PHC1: variants seen among roughly 807,000 people sequenced by gnomAD.
PHC1 encodes the protein polyhomeotic-like protein 1.
Under a neutral mutation model 104.3 loss-of-function variants are expected in PHC1, and 12 were observed. The observed-to-expected ratio is 0.12, with a 90% CI of 0.07 to 0.19. The LOEUF is 0.19. PHC1 is among the 10% of genes least tolerant of loss of function. PHC1 has a pLI of 1.00. For synonymous variants in PHC1, 302 were observed against 455.8 expected, an observed-to-expected ratio of 0.66 and a Z score of 4.30; for missense variants, 671 against 1,200.0, an observed-to-expected ratio of 0.56 and a Z score of 6.51.
Position 8,919,950 on chromosome 12 carries a change from TC to T in PHC1, c.225+86del. The T allele has an allele frequency of 6.5e-7, 1 of 1,547,706 alleles. No homozygotes were observed. The highest frequency in any genetic ancestry group is 8.7e-7 in the Non-Finnish European group (1 of 1,143,430). On this transcript the variant is annotated intron_variant, in intron 3 of 14. Coordinates refer to ENST00000544916, the MANE Select transcript of PHC1 (RefSeq NM_004426.3). The surrounding 1 kb of genome is among the most constrained non-coding windows in gnomAD (Gnocchi z 4.9). The stretch of plus-strand genomic sequence containing the variant: ...GGGGAGATTTTTTGGGCATATAGCA[TC>T]CTATACTAAGCCAGGCTGCAGACAG...
chr12:8,917,942 T>C lies in PHC1; in HGVS notation c.114+151T>C, dbSNP rs774372251. 38 of 580,366 alleles carry C rather than the reference T, an allele frequency of 6.5e-5. No homozygotes were observed. The East Asian group carries it at 9.4e-4, about 14-fold the overall frequency. 36.0% of individuals were successfully genotyped at this position (580,366 alleles called of 1,614,324 possible). Reference sequence around the variant, plus strand: ...AGCTGTCTTCCAGCTCTGAGAATCTTAGGAGTTTACAAATGTTTAGGCAAG... The same window carrying C: ...AGCTGTCTTCCAGCTCTGAGAATCTCAGGAGTTTACAAATGTTTAGGCAAG... On this transcript the variant is annotated intron_variant, in intron 2 of 14. Transcript: ENST00000544916.
intron 6 of PHC1, among the ~76,000 whole-genome samples, chr12:8,926,847 G>C (rs766456564): frequency 6.6e-6 from 1 of 152,194 alleles, no homozygotes; most frequent in Non-Finnish European, 1.5e-5. Context: ...CCTGGGAGGC[G>C]GAGGTTGCAG....
At chr12:8,936,314 G>A (rs1156857888) in intron 11 of PHC1, among the ~76,000 whole-genome samples, 3 of 152,160 alleles carry the variant, frequency 2.0e-5, no homozygotes, top group Non-Finnish European at 4.4e-5. Flanking sequence ...CCCGGGAGGT[G>A]GAGGTTGCAG....
At chr12:8,934,105 G>A in intron 9 of PHC1, 93 bp downstream of exon 9, 1 of 1,460,526 alleles carries the variant, frequency 6.8e-7, no homozygotes, top group South Asian at 1.2e-5. Flanking sequence ...AGTAGAAAAT[G>A]GGCCAGAAGT....
At chr12:8,932,418 A>G (rs1423523276) in intron 7 of PHC1, 145 bp from the exon 8 acceptor site, 11 of 772,696 alleles carry the variant, frequency 1.4e-5, no homozygotes, top group South Asian at 5.6e-5. Context: ...AGTGATGTCC[A>G]AGTTTCATAC....
intron 14 of PHC1, 59 bp downstream of exon 14, chr12:8,938,119 G>C (rs1270037562): frequency 3.5e-6 from 4 of 1,151,088 alleles, no homozygotes; most frequent in Non-Finnish European, 5.1e-6. Flanking sequence ...TCCCACAGGG[G>C]CCTTGATAAG....
rs1234182379 is a variant in PHC1 at position 8,919,204 on chromosome 12, C to T, written c.115-552C>T. On this transcript the variant is annotated intron_variant, in intron 2 of 14. Transcript: ENST00000544916. This position sits in a 1 kb window ranked among gnomAD's most constrained non-coding sequence, Gnocchi z 4.9. ...CCTCCCTAGTAGTTGGGATTACAGG[C>T]GCCCACCACCACGCCCAGCTAATTT... Among the ~76,000 whole-genome samples the T allele has an allele frequency of 3.3e-5, 5 of 152,164 alleles. No individual in the cohort carries two copies. Among genetic ancestry groups the T allele is most frequent in the African/African-American group, 1.2e-4 (5 of 41,430 alleles).
chr12:8,926,935 G>A (rs915121273), intron 6 of PHC1, among the ~76,000 whole-genome samples: 10 of 152,090 alleles, frequency 6.6e-5, no homozygotes, highest in African/African-American at 2.2e-4. Context: ...AATGTTTGGG[G>A]AGATAGTACA....
rs1396362438 is a variant in PHC1, at chr12:8,941,169, T to C, written c.*1710T>C. The C allele has an allele frequency of 6.6e-6, 1 of 151,146 alleles. No individual in the cohort carries two copies. The highest frequency in any genetic ancestry group is 1.4e-5 in the Non-Finnish European group (1 of 69,100). 9.4% of individuals were successfully genotyped at this position (151,146 alleles called of 1,614,324 possible). A position where few individuals can be genotyped will look rare whatever the true frequency, so the allele number is the denominator to read the frequency against. On this transcript the variant is annotated 3_prime_UTR_variant, in exon 15 of 15. Coordinates refer to ENST00000544916, the MANE Select transcript of PHC1 (RefSeq NM_004426.3). ...AATCCCAGCTATACAGTCACCCCAA[T>C]TTCCACAAATGATGTGATGGTACCG... is the stretch of plus-strand genomic sequence containing the variant.
chr12:8,932,428 C>T (rs1190571078), intron 7 of PHC1, 135 bp from the exon 8 acceptor site: 2 of 845,096 alleles, frequency 2.4e-6, no homozygotes, highest in Non-Finnish European at 3.7e-6. Flanking sequence ...AAGTTTCATA[C>T]TGACTAGATT....
chr12:8,924,684 T>C (rs1313476311), intron 6 of PHC1, among the ~76,000 whole-genome samples: 1 of 152,094 alleles, frequency 6.6e-6, no homozygotes, highest in Non-Finnish European at 1.5e-5. Flanking sequence ...CGAGTATGTG[T>C]GGTAGGCGTT....
rs1945308774 is a variant in PHC1 at position 8,919,845 on chromosome 12, T to C, written c.204T>C (p.His68=). 6.2e-7 allele frequency: 1 copy of C among 1,603,046 alleles called. No homozygotes were observed. Among genetic ancestry groups the C allele is most frequent in the Non-Finnish European group, 8.5e-7 (1 of 1,173,938 alleles). The change falls in exon 3 of 15, where the codon CAT becomes CAC. Residue 68 remains histidine, a synonymous_variant. Coordinates refer to ENST00000544916, the MANE Select transcript of PHC1 (RefSeq NM_004426.3). This position sits in a 1 kb window ranked among gnomAD's most constrained non-coding sequence, Gnocchi z 4.9. ...LQQQLSNAQL[H]SLAAVQQATI... ...AGCAGCTCAGTAATGCCCAGCTGCATAGCCTGGCTGCCGTCCAGCAGGTGA... is the reference window on the plus strand; with the variant it reads ...AGCAGCTCAGTAATGCCCAGCTGCACAGCCTGGCTGCCGTCCAGCAGGTGA...
At chr12:8,922,918 C>A in intron 6 of PHC1, 130 bp downstream of exon 6, 2 of 739,202 alleles carry the variant, frequency 2.7e-6, no homozygotes, top group Non-Finnish European at 4.3e-6. Flanking sequence ...GTTTTTCCTT[C>A]CCTTAATCAC....
intron 6 of PHC1, among the ~76,000 whole-genome samples, chr12:8,926,740 C>T (rs1286131650): frequency 6.6e-6 from 1 of 151,956 alleles, no homozygotes; most frequent in Non-Finnish European, 1.5e-5. Flanking sequence ...ATGGTGAAAC[C>T]CCGTCTCTAC....
At chr12:8,914,065 G>C (rs1253240120), upstream of PHC1, 1 of 152,438 alleles carries the variant, frequency 6.6e-6, no homozygotes, top group South Asian at 2.1e-4. Context: ...GTTTCTCTAG[G>C]GGTCGTTGCT....
Position 8,935,143 on chromosome 12 carries a change from T to C in PHC1, c.2273T>C (p.Leu758Pro), listed in dbSNP as rs1307964721. Residue 758 changes from leucine (L) to proline (P), a missense_variant, in exon 11 of 15, where the codon CTG (leucine) becomes CCG (proline). This residue lies in a region of PHC1 where 192 missense variants were observed against 280.5 expected (regional missense o/e 0.68). Transcript: ENST00000544916. ...GGACAGGTGGGTTGTTCTCAGTTACTGAAGGAGTCTGAGAAGCCACTACAG... is the reference window on the plus strand; with the variant it reads ...GGACAGGTGGGTTGTTCTCAGTTACCGAAGGAGTCTGAGAAGCCACTACAG... ...EPFPVGCSQL[L>P]KESEKPLQTG... is the part of the protein sequence containing the mutation. 1 of 1,575,352 alleles carries C rather than the reference T, an allele frequency of 6.3e-7. No homozygotes were observed. Among genetic ancestry groups the C allele is most frequent in the Non-Finnish European group, 8.7e-7 (1 of 1,153,408 alleles).
chr12:8,939,222 A>T, intron 14 of PHC1, 83 bp from the exon 15 acceptor site: 1 of 1,510,084 alleles, frequency 6.6e-7, no homozygotes, highest in Non-Finnish European at 9.1e-7. Context: ...CTTTGGAATT[A>T]ATCATTGCTA....
intron 6 of PHC1, among the ~76,000 whole-genome samples, chr12:8,929,908 C>CA (rs1176129331): frequency 1.3e-5 from 2 of 152,312 alleles, no homozygotes; most frequent in East Asian, 3.9e-4. Context: ...TACTGAGTGT[C>CA]ACATCAGTAT....
chr12:8,939,095 G>A (rs1945932955), intron 14 of PHC1, among the ~76,000 whole-genome samples: 1 of 152,158 alleles, frequency 6.6e-6, no homozygotes, highest in Admixed American at 6.5e-5. Context: ...TAAAATGCTG[G>A]GATTATAGGC....
Sources: gnomAD v4.1 joint callset for allele counts (sites outside exome capture counted in the v4.1 genomes callset) on GRCh38, gnomAD v4.1.1 for gene constraint, gnomAD v4.1.1 regional missense constraint, Gnocchi (gnomAD v3.1) non-coding constraint, MANE v1.5 for transcripts, NCBI Gene and HGNC (gene_info 2026-07-23, HGNC 2026-07-21) for gene names.